TASP1: variants seen among roughly 807,000 people sequenced by gnomAD.
TASP1 encodes the protein threonine aspartase 1.
A neutral mutation model predicts 56.6 loss-of-function variants in TASP1; 16 were observed. That is an observed-to-expected ratio of 0.28 (90% CI 0.19 to 0.43). The LOEUF (loss-of-function observed/expected upper bound fraction) is 0.43. Among genes scored for constraint, TASP1 ranks in the 20% least tolerant of loss-of-function variants. The pLI, the probability that TASP1 is intolerant of heterozygous loss-of-function variation, is 1.00. For synonymous variants in TASP1, 179 were observed against 184.2 expected (o/e 0.97, Z 0.23); for missense variants, 393 against 511.6 (o/e 0.77, Z 2.24).
chr20:13,330,831 CTAA>C, the TASP1 span, among the ~76,000 whole-genome samples: 18 of 152,040 alleles, frequency 1.2e-4, no homozygotes, highest in African/African-American at 4.3e-4. Flanking sequence ...TTTTATCTGT[CTAA>C]TGTTTGCAGA....
chr20:13,459,212 C>T (rs1186490173), intron 11 of TASP1, among the ~76,000 whole-genome samples: 1 of 152,110 alleles, frequency 6.6e-6, no homozygotes, highest in Non-Finnish European at 1.5e-5. Flanking sequence ...CCCACTCACT[C>T]CCTTTATCGT....
chr20:13,618,421 C>CA (rs1030432411), intron 4 of TASP1, among the ~76,000 whole-genome samples: 3 of 150,606 alleles, frequency 2.0e-5, no homozygotes, highest in Non-Finnish European at 4.4e-5. Flanking sequence ...TGAACAACAG[C>CA]AAAAAAAATG....
chr20:13,377,860 T>C, the TASP1 span, among the ~76,000 whole-genome samples: 2 of 152,350 alleles, frequency 1.3e-5, no homozygotes, highest in East Asian at 1.9e-4. Context: ...TTTATTTGCA[T>C]AGAGGTGTTT....
chr20:13,176,457 A>G, the TASP1 span, among the ~76,000 whole-genome samples: 2 of 152,206 alleles, frequency 1.3e-5, no homozygotes, highest in Non-Finnish European at 2.9e-5. Flanking sequence ...TTCTGCATCT[A>G]TCAAGGTGAT....
chr20:13,366,217 A>G, the TASP1 span, among the ~76,000 whole-genome samples: 1 of 152,166 alleles, frequency 6.6e-6, no homozygotes, highest in Non-Finnish European at 1.5e-5. Context: ...CAGGCTGGAC[A>G]TTTGGGAGGC....
chr20:13,250,762 T>C, the TASP1 span, among the ~76,000 whole-genome samples: 6 of 152,224 alleles, frequency 3.9e-5, no homozygotes, highest in Non-Finnish European at 1.5e-5. Flanking sequence ...AGTAATTACA[T>C]ATTGAATGAG....
chr20:13,506,688 A>G (rs2044144755), intron 10 of TASP1, among the ~76,000 whole-genome samples: 1 of 152,136 alleles, frequency 6.6e-6, no homozygotes, highest in African/African-American at 2.4e-5. Context: ...AGAAAATTCA[A>G]CATGCTTTCA....
the TASP1 span, among the ~76,000 whole-genome samples, chr20:13,230,944 G>C: frequency 1.3e-5 from 2 of 152,298 alleles, no homozygotes; most frequent in African/African-American, 4.8e-5. Flanking sequence ...TATGCCCAGT[G>C]TTTCTCTTGG....
intron 4 of TASP1, among the ~76,000 whole-genome samples, chr20:13,606,445 C>T (rs2048156300): frequency 6.6e-6 from 1 of 152,114 alleles, no homozygotes; most frequent in Non-Finnish European, 1.5e-5. Flanking sequence ...CTTTCCGCTA[C>T]CTGACAGTAT....
the TASP1 span, among the ~76,000 whole-genome samples, chr20:13,213,396 T>G: frequency 4.8e-4 from 73 of 152,116 alleles, 1 homozygote; most frequent in Non-Finnish European, 9.0e-4. Flanking sequence ...CCTGACTTGC[T>G]CCCCAAAACA....
At chr20:13,251,825 G>A in the TASP1 span, among the ~76,000 whole-genome samples, 5 of 152,130 alleles carry the variant, frequency 3.3e-5, no homozygotes, top group African/African-American at 9.7e-5. Flanking sequence ...TGGGGAGGGT[G>A]AGCACTTAGA....
intron 10 of TASP1, among the ~76,000 whole-genome samples, chr20:13,515,305 C>G (rs887354835): frequency 1.3e-5 from 2 of 152,026 alleles, no homozygotes; most frequent in Non-Finnish European, 2.9e-5. Context: ...TACACCAGAT[C>G]ATCTTAGCTT....
At chr20:13,249,112 T>A in the TASP1 span, among the ~76,000 whole-genome samples, 1 of 152,174 alleles carries the variant, frequency 6.6e-6, no homozygotes, top group Non-Finnish European at 1.5e-5. Context: ...TTGGGTGGAA[T>A]TTTTTAGGAT....
intron 8 of TASP1, among the ~76,000 whole-genome samples, chr20:13,535,811 G>A (rs374089727): frequency 1.1e-4 from 17 of 152,112 alleles, no homozygotes; most frequent in East Asian, 1.9e-4. Flanking sequence ...CCTCTGTTTC[G>A]CAAGATTTGA....
the TASP1 span, among the ~76,000 whole-genome samples, chr20:13,234,443 G>T: frequency 6.6e-6 from 1 of 152,122 alleles, no homozygotes; most frequent in African/African-American, 2.4e-5. Flanking sequence ...TTGATGTATT[G>T]ATTTCTTTCC....
the TASP1 span, among the ~76,000 whole-genome samples, chr20:13,297,043 A>G: frequency 1.7e-3 from 248 of 148,222 alleles, 3 homozygotes; most frequent in African/African-American, 5.9e-3. Context: ...CCCGCCAAAA[A>G]AAAAGATGTA....
At chr20:13,363,505 C>T in the TASP1 span, among the ~76,000 whole-genome samples, 8 of 152,300 alleles carry the variant, frequency 5.3e-5, no homozygotes, top group African/African-American at 1.9e-4. Context: ...AAGTAAATTG[C>T]TTTCCTGAGT....
chr20:13,456,662 T>C (rs933820000), intron 11 of TASP1, among the ~76,000 whole-genome samples: 2 of 152,110 alleles, frequency 1.3e-5, no homozygotes, highest in African/African-American at 2.4e-5. Flanking sequence ...CCATTTTTCA[T>C]GAACTTTTTG....
intron 13 of TASP1, among the ~76,000 whole-genome samples, chr20:13,400,449 T>C (rs1226594702): frequency 1.3e-5 from 2 of 152,122 alleles, no homozygotes; most frequent in Admixed American, 6.5e-5. Flanking sequence ...CAAAGAATTA[T>C]TGGGGTTCTA....
Sources: allele counts gnomAD v4.1 joint callset (sites outside exome capture counted in the v4.1 genomes callset), GRCh38; gene constraint gnomAD v4.1.1; transcripts MANE v1.5; gene names NCBI Gene and HGNC (gene_info 2026-07-23, HGNC 2026-07-21).